CREB5: variants seen among roughly 807,000 people sequenced by gnomAD.
CREB5 encodes cAMP responsive element binding protein 5.
CREB5 carries 19 observed loss-of-function variants against 57.1 expected under a neutral mutation model. The observed-to-expected ratio is 0.33, with a 90% CI of 0.23 to 0.49. The LOEUF (loss-of-function observed/expected upper bound fraction) is 0.49, where lower values mean the gene tolerates loss of function less well. Ranked by LOEUF, CREB5 falls within the 20% of genes least tolerant of loss-of-function variation. The pLI is 0.99. For missense variants in CREB5, 579 were observed against 671.6 expected (o/e 0.86, Z 1.52); for synonymous variants, 238 against 238.3 (o/e 1.00, Z 0.01).
intron 2 of CREB5, among the ~76,000 whole-genome samples, chr7:28,494,534 T>C (rs567142146): frequency 6.6e-6 from 1 of 152,298 alleles, no homozygotes; most frequent in South Asian, 2.1e-4. Context: ...CCAGGGACTA[T>C]CTAAGAAGTA....
chr7:28,324,030 A>C (rs7805882), intron 1 of CREB5, among the ~76,000 whole-genome samples: 92,822 of 151,818 alleles, frequency 0.61, 29,282 homozygotes, highest in African/African-American at 0.77. Flanking sequence ...GGAGCTCAGG[A>C]GGTAATGTGC....
intron 5 of CREB5, among the ~76,000 whole-genome samples, chr7:28,649,245 A>G (rs924004870): frequency 1.3e-5 from 2 of 152,264 alleles, no homozygotes; most frequent in Non-Finnish European, 1.5e-5. Context: ...ACCATGGCCC[A>G]TGGGCCAAAT....
At chr7:28,710,673 C>T (rs145014440) in intron 5 of CREB5, among the ~76,000 whole-genome samples, 126 of 152,192 alleles carry the variant, frequency 8.3e-4, no homozygotes, top group Admixed American at 2.7e-3. Context: ...CTGAAATGGT[C>T]CCTTCTAAGA....
rs564530835 is a variant in CREB5 at position 28,395,553 on chromosome 7, G to T, written c.-25+96112G>T. ...CCCTACTCCTTTCTTTTTCCAACTG[G>T]CTTCCTTGGGTAGCAAATATCTGAC... On this transcript the variant is annotated intron_variant, in intron 1 of 9. Transcript: ENST00000396299. 3.3e-5 allele frequency among the ~76,000 whole-genome samples: 5 copies of T among 152,230 alleles called. No homozygotes were observed. In the South Asian group the frequency reaches 1.0e-3, roughly 32 times the overall value.
At chr7:28,531,146 T>G (rs1793711339) in intron 4 of CREB5, among the ~76,000 whole-genome samples, 1 of 152,092 alleles carries the variant, frequency 6.6e-6, no homozygotes, top group African/African-American at 2.4e-5. Flanking sequence ...GGCCTGCTTG[T>G]CTTATATAGT....
intron 7 of CREB5, among the ~76,000 whole-genome samples, chr7:28,739,056 T>C (rs1331450867): frequency 6.6e-6 from 1 of 152,184 alleles, no homozygotes; most frequent in Admixed American, 6.5e-5. Flanking sequence ...ATAAATATTA[T>C]GATAAAGTCA....
chr7:28,448,691 G>C (rs539324428), intron 1 of CREB5, among the ~76,000 whole-genome samples: 1 of 152,338 alleles, frequency 6.6e-6, no homozygotes, highest in African/African-American at 2.4e-5. Context: ...GAATATTTTA[G>C]TCTCTGCAGG....
intron 4 of CREB5, among the ~76,000 whole-genome samples, chr7:28,526,188 C>T (rs10236845): frequency 0.13 from 19,818 of 152,178 alleles, 1,386 homozygotes; most frequent in Non-Finnish European, 0.13. Context: ...GTCTATGATC[C>T]ATACTGAGCA....
intron 7 of CREB5, among the ~76,000 whole-genome samples, chr7:28,737,539 GTATATATATATATATATATATA>G (rs59294932): frequency 1.5e-3 from 41 of 26,670 alleles, no homozygotes; most frequent in Middle Eastern, 0.031. Flanking sequence ...ATATATATAC[GTATATATATATATATATATATA>G]TATATATATA....
At chr7:28,474,381 G>T (rs1346511245) in intron 1 of CREB5, among the ~76,000 whole-genome samples, 2 of 152,190 alleles carry the variant, frequency 1.3e-5, no homozygotes, top group African/African-American at 4.8e-5. Context: ...TGTGGGATGT[G>T]CCCCGTGGGG....
chr7:28,488,687 A>G (rs558170744), intron 2 of CREB5, among the ~76,000 whole-genome samples: 1 of 152,362 alleles, frequency 6.6e-6, no homozygotes, highest in East Asian at 1.9e-4. Flanking sequence ...ATTTGAGTAA[A>G]AAAACCCCAA....
chr7:28,466,210 TAAAA>T (rs5883134), intron 1 of CREB5, among the ~76,000 whole-genome samples: 8 of 94,746 alleles, frequency 8.4e-5, no homozygotes, highest in Admixed American at 5.8e-4. Flanking sequence ...TGACTGGAGT[TAAAA>T]AAAAAAAAAA....
intron 5 of CREB5, among the ~76,000 whole-genome samples, chr7:28,640,741 G>A (rs1200112174): frequency 3.3e-5 from 5 of 152,092 alleles, no homozygotes; most frequent in East Asian, 1.9e-4. Context: ...GCAAATGTAC[G>A]ATGCTCATTC....
intron 5 of CREB5, among the ~76,000 whole-genome samples, chr7:28,672,728 T>C (rs908033589): frequency 3.3e-5 from 5 of 152,160 alleles, no homozygotes; most frequent in Admixed American, 2.6e-4. Context: ...AGTGCTGTCA[T>C]AGAAACAGCT....
chr7:28,608,028 G>T (rs192653494), intron 5 of CREB5, among the ~76,000 whole-genome samples: 2 of 151,464 alleles, frequency 1.3e-5, no homozygotes, highest in East Asian at 3.9e-4. Flanking sequence ...TGGCATCAGG[G>T]CACTGAGAGA....
chr7:28,440,600 A>T (rs1393455585), intron 1 of CREB5, among the ~76,000 whole-genome samples: 1 of 152,154 alleles, frequency 6.6e-6, no homozygotes, highest in Non-Finnish European at 1.5e-5. Flanking sequence ...AGGACTGCAA[A>T]TTGGAAGCTT....
At chr7:28,619,509 A>G (rs1182638887) in intron 5 of CREB5, among the ~76,000 whole-genome samples, 1 of 152,156 alleles carries the variant, frequency 6.6e-6, no homozygotes, top group Non-Finnish European at 1.5e-5. Flanking sequence ...TGAGACAGGC[A>G]CCATCCTCTT....
chr7:28,667,919 A>G (rs1799887690), intron 5 of CREB5, among the ~76,000 whole-genome samples: 1 of 152,212 alleles, frequency 6.6e-6, no homozygotes, highest in African/African-American at 2.4e-5. Flanking sequence ...CTTTGCCTTT[A>G]AAAAGGAGAA....
rs1263624985 is a variant in CREB5, at chr7:28,507,619, A to C, written c.173A>C (p.Gln58Pro). The C allele has an allele frequency of 6.2e-7, 1 of 1,609,424 alleles. No individual in the cohort carries two copies. Among genetic ancestry groups the C allele is most frequent in the Non-Finnish European group, 8.5e-7 (1 of 1,176,576 alleles). Residue 58 changes from glutamine to proline, a missense_variant, in exon 4 of 11, where the codon CAA becomes CCA. This residue lies in a region of CREB5 where 459 missense variants were observed against 515.7 expected (regional missense o/e 0.89). Coordinates refer to ENST00000357727, the MANE Select transcript of CREB5 (RefSeq NM_182898.4). ...SIKTDNMLSDQTPTPTRFLKN... is the reference protein window; with the variant it reads ...SIKTDNMLSDPTPTPTRFLKN... The stretch of plus-strand genomic sequence containing the variant: ...AGCTCTCCGACTCTGTTTTCAGATC[A>C]AACTCCGACCCCAACGAGATTCCTG...
Sources: allele counts gnomAD v4.1 joint callset (sites outside exome capture counted in the v4.1 genomes callset), GRCh38; gene constraint gnomAD v4.1.1; regional missense constraint gnomAD v4.1.1; transcripts MANE v1.5; gene names NCBI Gene and HGNC (gene_info 2026-07-23, HGNC 2026-07-21).